The following MYH8 variants were observed in gnomAD, a reference collection of about 807,000 sequenced individuals.
MYH8 encodes myosin-8.
A neutral mutation model predicts 233.2 loss-of-function variants in MYH8; 168 were observed. The ratio of observed to expected loss-of-function variants is 0.72; its 90% confidence interval spans 0.64 to 0.82. MYH8 has a LOEUF of 0.82. Among genes scored for constraint, MYH8 ranks in the 40% least tolerant of loss-of-function variants. The pLI is 0.00. For synonymous variants in MYH8, 785 were observed against 850.6 expected (o/e 0.92, Z 1.34); for missense variants, 1,995 against 2,327.8 (o/e 0.86, Z 2.94).
chr17:10,415,123 T>C lies in MYH8; in HGVS notation c.798A>G (p.Ile266Met). The stretch of plus-strand genomic sequence containing the variant: ...AATGGTCCTGTTACTCACATGTTTC[T>C]ATATCAGCAGATGCCAGCTTCCCTG... ...GTTGKLASAD[I>M]ETYLLEKSRV... Residue 266 changes from isoleucine (I) to methionine (M), a missense_variant, in exon 9 of 40, where the codon ATA becomes ATG. Coordinates refer to ENST00000403437, the MANE Select transcript of MYH8 (RefSeq NM_002472.3). This position sits in a 1 kb window ranked among gnomAD's most constrained non-coding sequence, Gnocchi z 4.1. The C allele has an allele frequency of 2.5e-6, 4 of 1,612,826 alleles. No homozygotes were observed. Among genetic ancestry groups the C allele is most frequent in the Non-Finnish European group, 2.5e-6 (3 of 1,178,746 alleles).
At chr17:10,411,024 A>G in intron 14 of MYH8, 77 bp from the exon 15 acceptor site, 1 of 1,608,470 alleles carries the variant, frequency 6.2e-7, no homozygotes, top group East Asian at 2.2e-5. Flanking sequence ...AAATTCTTTT[A>G]TTGAAAAAAT....
Position 10,409,245 on chromosome 17 carries a change from T to A in MYH8, c.1897+34A>T, listed in dbSNP as rs190008934. ...CATGTATTATAACATTATGTGAGAA[T>A]GGATTTAATTTAGATTAAGGACACA... On this transcript the variant is annotated intron_variant, in intron 16 of 39. Transcript: ENST00000403437. The A allele has an allele frequency of 6.8e-6, 11 of 1,613,512 alleles. No individual in the cohort carries two copies. In the African/African-American group the frequency reaches 1.5e-4, roughly 22 times the overall value.
intron 21 of MYH8, among the ~76,000 whole-genome samples, chr17:10,405,460 C>T (rs566410895): frequency 3.3e-5 from 5 of 152,248 alleles, no homozygotes; most frequent in South Asian, 4.1e-4. Flanking sequence ...CAAACCATAA[C>T]GTTCACACAT....
In MYH8 at chr17:10,419,011, T is replaced by A. The variant is rs759518186; in HGVS notation, c.230A>T (p.Asp77Val). 1 of 1,614,164 alleles carries A rather than the reference T, an allele frequency of 6.2e-7. No individual in the cohort carries two copies. Among genetic ancestry groups the A allele is most frequent in the East Asian group, 2.2e-5 (1 of 44,870 alleles). ...CGGAGGGTTCATAGGGAAGACTTGG[T>A]CTTCCCTGACAGTTAGAGTCTGGTG... ...EGGATLTVREDQVFPMNPPKY... is the reference protein window; with the variant it reads ...EGGATLTVREVQVFPMNPPKY... The change falls in exon 4 of 40, where the codon GAC (aspartate) becomes GTC (valine). Residue 77 changes from aspartate (D) to valine (V), a missense_variant. Physicochemically the swap from Asp to Val is radical, Grantham distance 152. This residue lies in a region of MYH8 where 479 missense variants were observed against 600.9 expected (regional missense o/e 0.80). Coordinates refer to ENST00000403437, the MANE Select transcript of MYH8 (RefSeq NM_002472.3). The surrounding 1 kb of genome is among the most constrained non-coding windows in gnomAD (Gnocchi z 4.0).
intron 17 of MYH8, 117 bp downstream of exon 17, chr17:10,408,980 G>T: frequency 4.4e-6 from 4 of 918,016 alleles, no homozygotes; most frequent in Non-Finnish European, 5.2e-6. Flanking sequence ...TCTGACGAGA[G>T]CTGATATTTG....
chr17:10,399,673 C>T lies in MYH8; in HGVS notation c.3736-4G>A, dbSNP rs57196626. The T allele has an allele frequency of 9.9e-6, 16 of 1,613,870 alleles. No individual in the cohort carries two copies. In the East Asian group the frequency reaches 3.3e-4, roughly 34 times the overall value. ...GGCACATCTTTTCAAGGTTTCCCTA[C>T]AGGATATGTAGCAATGAAAGATGAG... is the stretch of plus-strand genomic sequence containing the variant. On this transcript the variant is annotated splice_region_variant and splice_polypyrimidine_tract_variant and intron_variant, in intron 27 of 39. Transcript: ENST00000403437.
rs187231915 is a variant in MYH8, at chr17:10,417,262, A to G, written c.511+1383T>C. On this transcript the variant is annotated intron_variant, in intron 5 of 39. Coordinates refer to ENST00000403437, the MANE Select transcript of MYH8 (RefSeq NM_002472.3). The surrounding 1 kb of genome is among the most constrained non-coding windows in gnomAD (Gnocchi z 4.1). ...TATAGTGTTAGATTATAGATTTTAG[A>G]GAATTCTAAAACCTAAAAATCTATT... Among the ~76,000 whole-genome samples, 1 of 152,354 alleles carries G rather than the reference A, an allele frequency of 6.6e-6. No homozygotes were observed. Among genetic ancestry groups the G allele is most frequent in the East Asian group, 1.9e-4 (1 of 5,190 alleles).
At chr17:10,392,293 GGA>G (rs2072033341) in intron 38 of MYH8, among the ~76,000 whole-genome samples, 1 of 146,738 alleles carries the variant, frequency 6.8e-6, no homozygotes, top group African/African-American at 2.7e-5. Context: ...GGCCAAACTA[GGA>G]CTAATACCCA....
rs2072014524 is a variant in MYH8, at chr17:10,390,819, G to T, written c.5665-216C>A. Among the ~76,000 whole-genome samples, 3 of 152,286 alleles carry T rather than the reference G, an allele frequency of 2.0e-5. No homozygotes were observed. In the South Asian group the frequency reaches 6.2e-4, roughly 32 times the overall value. ...AGTGGAGGAGACAGCCTCATATAAA[G>T]CCCATACATCCTTTTATGATTTATG... On this transcript the variant is annotated intron_variant, in intron 39 of 39. Coordinates refer to ENST00000403437, the MANE Select transcript of MYH8 (RefSeq NM_002472.3).
In MYH8 at chr17:10,393,341, G is replaced by A. The variant is rs1415357826; in HGVS notation, c.5167-131C>T. The A allele has an allele frequency of 3.9e-6, 5 of 1,272,410 alleles. No individual in the cohort carries two copies. In the African/African-American group the frequency reaches 4.4e-5, roughly 11 times the overall value. 78.8% of individuals were successfully genotyped at this position (1,272,410 alleles called of 1,614,324 possible). On this transcript the variant is annotated intron_variant, in intron 35 of 39. Coordinates refer to ENST00000403437, the MANE Select transcript of MYH8 (RefSeq NM_002472.3). ...TCACTAAACTTTAATTATTTGTTCA[G>A]TGGAAAATGTTAATTATTTGCAAGG...
At position 10,399,827 on chromosome 17, in the gene MYH8, G is replaced by C. The variant is rs3815314; in HGVS notation, c.3736-158C>G. Among the ~76,000 whole-genome samples the C allele has an allele frequency of 0.55, 83,766 of 152,138 alleles. 23,779 individuals carry two copies. Among genetic ancestry groups the C allele is most frequent in the African/African-American group, 0.59 (24,608 of 41,496 alleles). On this transcript the variant is annotated intron_variant, in intron 27 of 39. Transcript: ENST00000403437. Reference sequence around the variant, plus strand: ...GAACATGCAAGAATTTAGGCATGGCGAGTGCATAGTGTGCCTAAACTGGTC... The same window carrying C: ...GAACATGCAAGAATTTAGGCATGGCCAGTGCATAGTGTGCCTAAACTGGTC...
At chr17:10,399,807 T>C (rs1252902030) in intron 27 of MYH8, 138 bp from the exon 28 acceptor site, 3 of 1,282,890 alleles carry the variant, frequency 2.3e-6, no homozygotes, top group Non-Finnish European at 3.3e-6. Flanking sequence ...CTGTGGAACA[T>C]GCAAGAATTT....
At position 10,404,726 on chromosome 17, in the gene MYH8, TAC is replaced by T. The variant is rs60545187; in HGVS notation, c.2433-143_2433-142del. The T allele has an allele frequency of 0.26, 185,248 of 719,384 alleles. 9,701 individuals carry two copies. The highest frequency in any genetic ancestry group is 0.29 in the South Asian group (14,063 of 47,982). The allele number at this position is 719,384 out of a possible 1,614,324, so 44.6% of individuals were successfully genotyped here. A position where few individuals can be genotyped will look rare whatever the true frequency, so the allele number is the denominator to read the frequency against. On this transcript the variant is annotated intron_variant, in intron 21 of 39. Transcript: ENST00000403437. ...TTCTCTATATATTATATGCAGGCTT[TAC>T]ACACACACACACACACACACACATG...
At position 10,409,350 on chromosome 17, in the gene MYH8, A is replaced by T. The variant is rs746508341; in HGVS notation, c.1826T>A (p.Val609Asp). 9.9e-6 allele frequency: 16 copies of T among 1,614,196 alleles called. No individual in the cohort carries two copies. The highest frequency in any genetic ancestry group is 1.4e-5 in the Non-Finnish European group (16 of 1,180,034). ...KNKDPLNDTV[V>D]GLYQKSAMKT... The stretch of plus-strand genomic sequence containing the variant: ...CATTGCAGACTTCTGGTACAGCCCA[A>T]CCACAGTATCATTCAGGGGGTCCTT... Residue 609 changes from valine to aspartate, a missense_variant, in exon 16 of 40, where the codon GTT (valine) becomes GAT (aspartate). Val to Asp is a radical substitution (Grantham distance 152, BLOSUM62 -3). Transcript: ENST00000403437.
Position 10,396,666 on chromosome 17 carries a change from G to C in MYH8, c.4415C>G (p.Ala1472Gly). ...KYEETQAELEASQKESRSLST... is the reference protein window; with the variant it reads ...KYEETQAELEGSQKESRSLST... Reference sequence around the variant, plus strand: ...AAGAGAACGTGACTCCTTCTGGGAGGCCTCAAGTTCAGCCTGAGTTTCCTC... The same window carrying C: ...AAGAGAACGTGACTCCTTCTGGGAGCCCTCAAGTTCAGCCTGAGTTTCCTC... Residue 1472 changes from alanine to glycine, a missense_variant, in exon 32 of 40, where the codon GCC becomes GGC. By Grantham distance (60) the Ala-to-Gly change is moderately conservative. This residue lies in a region of MYH8 where 1,498 missense variants were observed against 1,680.9 expected (regional missense o/e 0.89). Coordinates refer to ENST00000403437, the MANE Select transcript of MYH8 (RefSeq NM_002472.3). This position sits in a 1 kb window ranked among gnomAD's most constrained non-coding sequence, Gnocchi z 4.2. 1.9e-6 allele frequency: 3 copies of C among 1,614,194 alleles called. No homozygotes were observed. The highest frequency in any genetic ancestry group is 1.1e-5 in the South Asian group (1 of 91,084).
At position 10,400,766 on chromosome 17, in the gene MYH8, T is replaced by A; in HGVS notation, c.3359A>T (p.Glu1120Val). Residue 1120 changes from glutamate (E) to valine (V), a missense_variant, in exon 27 of 40, where the codon GAG becomes GTG. By Grantham distance (121) the Glu-to-Val change is moderately radical. Around this residue, in one of 3 missense-constraint regions of MYH8, gnomAD observed 1,498 missense variants for 1,680.9 expected, o/e 0.89. Coordinates refer to ENST00000403437, the MANE Select transcript of MYH8 (RefSeq NM_002472.3). The surrounding 1 kb of genome is among the most constrained non-coding windows in gnomAD (Gnocchi z 4.0). Reference sequence around the variant, plus strand: ...CTCTGCCTCGATTTCTTCCCCCAGCTCCTCAATGCGGGCCTGGGAATGAAA... The same window carrying A: ...CTCTGCCTCGATTTCTTCCCCCAGCACCTCAATGCGGGCCTGGGAATGAAA... Reference protein sequence around the residue: ...KIKELQARIEELGEEIEAERA... With the variant: ...KIKELQARIEVLGEEIEAERA... 6.2e-7 allele frequency: 1 copy of A among 1,614,110 alleles called. No homozygotes were observed. Among genetic ancestry groups the A allele is most frequent in the Non-Finnish European group, 8.5e-7 (1 of 1,180,034 alleles).
At chr17:10,406,478 A>G in intron 19 of MYH8, 81 bp from the exon 20 acceptor site, 1 of 1,582,868 alleles carries the variant, frequency 6.3e-7, no homozygotes, top group Non-Finnish European at 8.7e-7. Flanking sequence ...AAATATCAAC[A>G]AACATCTGAG....
intron 17 of MYH8, among the ~76,000 whole-genome samples, chr17:10,408,126 A>T (rs1481838335): frequency 1.3e-5 from 2 of 151,930 alleles, no homozygotes; most frequent in East Asian, 3.9e-4. Context: ...TTCTTAGTAA[A>T]GATGGGGTTT....
chr17:10,419,045 A>G lies in MYH8; in HGVS notation c.211-15T>C. 2 of 1,614,038 alleles carry G rather than the reference A, an allele frequency of 1.2e-6. No homozygotes were observed. Among genetic ancestry groups the G allele is most frequent in the Non-Finnish European group, 1.7e-6 (2 of 1,179,970 alleles). On this transcript the variant is annotated splice_polypyrimidine_tract_variant and intron_variant, in intron 3 of 39. Coordinates refer to ENST00000403437, the MANE Select transcript of MYH8 (RefSeq NM_002472.3). The surrounding 1 kb of genome is among the most constrained non-coding windows in gnomAD (Gnocchi z 4.0). ...ACAGTTAGAGTCTGGTGAGTAAGCA[A>G]GAAACCAGTTCGTTTTTGTTTGTTT...
Sources: gnomAD v4.1 joint callset for allele counts (sites outside exome capture counted in the v4.1 genomes callset) on GRCh38, gnomAD v4.1.1 for gene constraint, gnomAD v4.1.1 regional missense constraint, Gnocchi (gnomAD v3.1) non-coding constraint, MANE v1.5 for transcripts, NCBI Gene and HGNC (gene_info 2026-07-23, HGNC 2026-07-21) for gene names.